Variants in NECTIN3 observed in about 807,000 individuals in gnomAD.
NECTIN3 encodes the protein nectin cell adhesion molecule 3.
NECTIN3 carries 8 observed loss-of-function variants against 49.4 expected under a neutral mutation model. That is an observed-to-expected ratio of 0.16 (90% confidence interval 0.10 to 0.29). The LOEUF (loss-of-function observed/expected upper bound fraction) is 0.29. Among genes scored for constraint, NECTIN3 ranks in the 10% least tolerant of loss-of-function variants. The pLI, the probability that NECTIN3 is intolerant of heterozygous loss-of-function variation, is 1.00. For synonymous variants in NECTIN3, 277 were observed against 241.1 expected, an observed-to-expected ratio of 1.15 and a Z score of -1.38; for missense variants, 581 against 654.6, an observed-to-expected ratio of 0.89 and a Z score of 1.23.
At chr3:111,186,153 A>G (rs1032993765) in intron 7 of NECTIN3, among the ~76,000 whole-genome samples, 5 of 152,230 alleles carry the variant, frequency 3.3e-5, no homozygotes, top group East Asian at 1.9e-4. Context: ...AGGATGTGAC[A>G]GGGAAGCTGG....
intron 1 of NECTIN3, among the ~76,000 whole-genome samples, chr3:111,103,759 A>G (rs1311264190): frequency 1.3e-5 from 2 of 152,146 alleles, no homozygotes; most frequent in Non-Finnish European, 2.9e-5. Context: ...GTTTCTTGAC[A>G]TTAAGTATGA....
At chr3:111,113,287 C>T (rs1307081342) in intron 2 of NECTIN3, among the ~76,000 whole-genome samples, 1 of 152,106 alleles carries the variant, frequency 6.6e-6, no homozygotes, top group Non-Finnish European at 1.5e-5. Context: ...GACCATTGGC[C>T]TGAATGGAGA....
At chr3:111,089,585 T>G (rs1182061776) in intron 1 of NECTIN3, among the ~76,000 whole-genome samples, 1 of 152,204 alleles carries the variant, frequency 6.6e-6, no homozygotes, top group Non-Finnish European at 1.5e-5. Flanking sequence ...TTTGCTTAAG[T>G]AAATGGGATT....
At chr3:111,145,887 T>C (rs1257153633) in intron 6 of NECTIN3, among the ~76,000 whole-genome samples, 1 of 152,304 alleles carries the variant, frequency 6.6e-6, no homozygotes, top group Non-Finnish European at 1.5e-5. Context: ...GGCACAATTA[T>C]AGCACTAGTC....
At position 111,134,269 on chromosome 3, in the gene NECTIN3, A is replaced by G. The variant is rs2034500421; in HGVS notation, c.*54A>G. ...CAATGTTCATTCACACTAGTTGATC[A>G]TTTTCAGATTGTTCATACTTTTTCT... On this transcript the variant is annotated 3_prime_UTR_variant, in exon 6 of 6. Transcript: ENST00000485303. The G allele has an allele frequency of 2.7e-6, 4 of 1,500,646 alleles. No individual in the cohort carries two copies. Among genetic ancestry groups the G allele is most frequent in the Non-Finnish European group, 3.5e-6 (4 of 1,129,144 alleles). The allele number at this position is 1,500,646 out of a possible 1,614,324, so 93.0% of individuals were successfully genotyped here. A position where few individuals can be genotyped will look rare whatever the true frequency, so the allele number is the denominator to read the frequency against.
Position 111,110,712 on chromosome 3 carries a change from C to A in NECTIN3, c.161-1318C>A, listed in dbSNP as rs568609775. Among the ~76,000 whole-genome samples the A allele has an allele frequency of 2.7e-3, 410 of 150,598 alleles. 2 individuals carry two copies. The highest frequency in any genetic ancestry group is 5.4e-3 in the Admixed American group (82 of 15,218). ...AGAACATGAGAGTAAATTTTCAGGG[C>A]CTGATACTTTTTTGAAGCAATGGTT... On this transcript the variant is annotated intron_variant, in intron 1 of 5. Coordinates refer to ENST00000485303, the MANE Select transcript of NECTIN3 (RefSeq NM_015480.3).
At position 111,125,981 on chromosome 3, in the gene NECTIN3, A is replaced by G. The variant is rs557809484; in HGVS notation, c.918-203A>G. 7.1e-4 allele frequency among the ~76,000 whole-genome samples: 108 copies of G among 152,220 alleles called. No homozygotes were observed. The South Asian group carries it at 0.021, about 30-fold the overall frequency. On this transcript the variant is annotated intron_variant, in intron 4 of 5. Transcript: ENST00000485303. The stretch of plus-strand genomic sequence containing the variant: ...TTACATGGACTGCTATTTTGGAAGA[A>G]TGGGTGTTCTTAATGGCCTTTATTC...
chr3:111,074,483 T>C (rs563738710), intron 1 of NECTIN3, among the ~76,000 whole-genome samples: 1 of 152,142 alleles, frequency 6.6e-6, no homozygotes, highest in African/African-American at 2.4e-5. Context: ...TGCTGCTATT[T>C]TTGATATTTT....
At chr3:111,144,143 A>G (rs2399376) in intron 5 of NECTIN3, among the ~76,000 whole-genome samples, 25,252 of 151,910 alleles carry the variant, frequency 0.17, 4,824 homozygotes, top group African/African-American at 0.47. Flanking sequence ...TTGTAATTCA[A>G]TTTTTTGGAA....
chr3:111,119,076 G>T, intron 3 of NECTIN3, 124 bp downstream of exon 3: 1 of 929,860 alleles, frequency 1.1e-6, no homozygotes. Flanking sequence ...TTGTTTTCAT[G>T]GAAATTTCAT....
intron 7 of NECTIN3, among the ~76,000 whole-genome samples, chr3:111,150,716 T>C (rs574303384): frequency 6.6e-6 from 1 of 152,024 alleles, no homozygotes; most frequent in South Asian, 2.1e-4. Flanking sequence ...TGAAGCTTTT[T>C]TTTTTCTTTA....
chr3:111,187,416 C>T (rs978517315), upstream of NECTIN3, among the ~76,000 whole-genome samples: 4 of 151,990 alleles, frequency 2.6e-5, no homozygotes, highest in East Asian at 7.7e-4. Flanking sequence ...ATAAAAACAA[C>T]AATTAAGCAT....
At position 111,071,946 on chromosome 3, in the gene NECTIN3, C is replaced by T. The variant is rs1207663470; in HGVS notation, c.-72C>T. 1.7e-6 allele frequency: 2 copies of T among 1,185,856 alleles called. No homozygotes were observed. The highest frequency in any genetic ancestry group is 2.2e-6 in the Non-Finnish European group (2 of 903,736). The allele number at this position is 1,185,856 out of a possible 1,614,324, so 73.5% of individuals were successfully genotyped here. On this transcript the variant is annotated 5_prime_UTR_variant, in exon 1 of 6. Transcript: ENST00000485303. ...GCGCCGGACCTTCCACAGCCTCCGC[C>T]CAGAGCCTGAGGCGCCGGGGCCGGG...
intron 7 of NECTIN3, among the ~76,000 whole-genome samples, chr3:111,182,610 A>C (rs1010940392): frequency 2.0e-5 from 3 of 151,976 alleles, no homozygotes; most frequent in African/African-American, 7.2e-5. Flanking sequence ...ATTTGTCCTG[A>C]AGTTACTTTG....
Position 111,184,256 on chromosome 3 carries a change from A to G in NECTIN3, c.1222-8095A>G, listed in dbSNP as rs549567622. Among the ~76,000 whole-genome samples the G allele has an allele frequency of 3.9e-5, 6 of 152,288 alleles. No homozygotes were observed. The East Asian group carries it at 1.2e-3, about 29-fold the overall frequency. ...TTCCTTTATAGCCTTAAACATATTT[A>G]TAATAGCCATTTTAAAGTTTTTCTC... On this transcript the variant is annotated intron_variant, in intron 7 of 8. Transcript: ENST00000493615.
intron 5 of NECTIN3, among the ~76,000 whole-genome samples, chr3:111,127,936 G>A (rs1436030960): frequency 1.3e-5 from 2 of 152,140 alleles, no homozygotes; most frequent in African/African-American, 4.8e-5. Context: ...CCAGGGAAAT[G>A]CATAGTTAAA....
chr3:111,165,306 G>A (rs1284205241), intron 7 of NECTIN3, among the ~76,000 whole-genome samples: 2 of 152,184 alleles, frequency 1.3e-5, no homozygotes, highest in Non-Finnish European at 2.9e-5. Context: ...GCCTCCCAAA[G>A]TGCTGGGATT....
At chr3:111,094,510 C>G (rs1429976053) in intron 1 of NECTIN3, among the ~76,000 whole-genome samples, 1 of 152,140 alleles carries the variant, frequency 6.6e-6, no homozygotes. Flanking sequence ...CCCTCAGATT[C>G]AGTAATTCTC....
upstream of NECTIN3, among the ~76,000 whole-genome samples, chr3:111,188,183 C>T (rs1650556244): frequency 6.6e-6 from 1 of 152,204 alleles, no homozygotes; most frequent in South Asian, 2.1e-4. Flanking sequence ...ATGTACTCAT[C>T]TGCCATTAGA....
Sources: allele counts gnomAD v4.1 joint callset (sites outside exome capture counted in the v4.1 genomes callset), GRCh38; gene constraint gnomAD v4.1.1; transcripts MANE v1.5; gene names NCBI Gene and HGNC (gene_info 2026-07-23, HGNC 2026-07-21).